The following GTF2IRD1 variants were observed in gnomAD, a reference collection of about 807,000 sequenced individuals.
GTF2IRD1 encodes the protein GTF2I repeat domain containing 1.
In GTF2IRD1, 26 loss-of-function variants were observed where a neutral mutation model predicts 113.2. The ratio of observed to expected loss-of-function variants is 0.23; its 90% CI spans 0.17 to 0.32. GTF2IRD1 has a LOEUF of 0.32. Ranked by LOEUF, GTF2IRD1 falls within the 10% of genes least tolerant of loss-of-function variation. The pLI, the probability that GTF2IRD1 is intolerant of heterozygous loss-of-function variation, is 1.00. For missense variants in GTF2IRD1, 864 were observed against 1,280.8 expected (o/e 0.67, Z 4.97); for synonymous variants, 484 against 529.1 (o/e 0.91, Z 1.17).
intron 11 of GTF2IRD1, among the ~76,000 whole-genome samples, chr7:74,536,634 T>C (rs2189857): frequency 0.35 from 51,865 of 149,878 alleles, 10,591 homozygotes; most frequent in African/African-American, 0.57. Flanking sequence ...ATGGTGAAAC[T>C]CCCATCTCTA....
intron 5 of GTF2IRD1, 76 bp downstream of exon 5, chr7:74,518,398 T>A: frequency 8.2e-7 from 1 of 1,225,698 alleles, no homozygotes; most frequent in African/African-American, 1.5e-5. Flanking sequence ...TGGAGGCCAC[T>A]TAGCCAGAGG....
chr7:74,558,403 A>T (rs1422483166), intron 20 of GTF2IRD1, among the ~76,000 whole-genome samples: 1 of 108,906 alleles, frequency 9.2e-6, no homozygotes, highest in Non-Finnish European at 1.7e-5. Context: ...TCTGTCACCC[A>T]TGCTGGAGTA....
chr7:74,528,853 G>GCA (rs1797775788), intron 8 of GTF2IRD1, among the ~76,000 whole-genome samples: 1 of 149,952 alleles, frequency 6.7e-6, no homozygotes, highest in Non-Finnish European at 1.5e-5. Context: ...ATGAAAGGAT[G>GCA]GATGGATGAA....
At chr7:74,513,252 C>T (rs1796737876) in intron 3 of GTF2IRD1, among the ~76,000 whole-genome samples, 1 of 152,228 alleles carries the variant, frequency 6.6e-6, no homozygotes, top group African/African-American at 2.4e-5. Context: ...TCAGTTCTTC[C>T]TCTTAACTAT....
At chr7:74,489,933 A>C (rs922626679) in intron 1 of GTF2IRD1, among the ~76,000 whole-genome samples, 1 of 152,102 alleles carries the variant, frequency 6.6e-6, no homozygotes. Context: ...CTTGGAGGAC[A>C]GCTTTTGGGG....
At chr7:74,568,734 T>G (rs28524605) in intron 22 of GTF2IRD1, among the ~76,000 whole-genome samples, 14,172 of 152,200 alleles carry the variant, frequency 0.093, 1,045 homozygotes, top group East Asian at 0.37. Context: ...CCTCTCTGCC[T>G]GCTCCTTCTC....
Position 74,601,192 on chromosome 7 carries a change from C to G in GTF2IRD1, c.2766+12C>G. ...AGATCTCACTCGTGGTAAAGTTGCA[C>G]CGATTTGGACTCCGGCACTCATCTC... On this transcript the variant is annotated intron_variant, in intron 26 of 26. Coordinates refer to ENST00000424337, the MANE Select transcript of GTF2IRD1 (RefSeq NM_005685.4). 1 of 1,567,682 alleles carries G rather than the reference C, an allele frequency of 6.4e-7. No individual in the cohort carries two copies. The highest frequency in any genetic ancestry group is 8.7e-7 in the Non-Finnish European group (1 of 1,155,110).
At chr7:74,460,887 C>T (rs1380435495) in intron 1 of GTF2IRD1, among the ~76,000 whole-genome samples, 3 of 152,196 alleles carry the variant, frequency 2.0e-5, no homozygotes, top group Non-Finnish European at 4.4e-5. Flanking sequence ...CCCCACAGCA[C>T]GGAGGCTGCT....
At chr7:74,525,645 A>G (rs587708939) in intron 8 of GTF2IRD1, among the ~76,000 whole-genome samples, 1 of 152,032 alleles carries the variant, frequency 6.6e-6, no homozygotes, top group South Asian at 2.1e-4. Flanking sequence ...AATCTTAGCT[A>G]CTTTGGGAGG....
chr7:74,477,051 T>TG (rs1794456174), intron 1 of GTF2IRD1, among the ~76,000 whole-genome samples: 1 of 152,052 alleles, frequency 6.6e-6, no homozygotes, highest in Admixed American at 6.6e-5. Context: ...CTCTGGAAGA[T>TG]GGGGCATCCA....
At chr7:74,535,573 G>C (rs373595230) in intron 10 of GTF2IRD1, among the ~76,000 whole-genome samples, 5 of 152,360 alleles carry the variant, frequency 3.3e-5, no homozygotes, top group South Asian at 2.1e-4. Flanking sequence ...TGTGACTCCA[G>C]AGCCCATGCA....
At chr7:74,519,915 C>T (rs1297418895) in intron 6 of GTF2IRD1, among the ~76,000 whole-genome samples, 196 bp downstream of exon 6, 2 of 151,872 alleles carry the variant, frequency 1.3e-5, no homozygotes, top group Non-Finnish European at 2.9e-5. Context: ...GCTCAGCCAT[C>T]TGTGAATGAT....
intron 1 of GTF2IRD1, among the ~76,000 whole-genome samples, chr7:74,485,405 C>T (rs1315835173): frequency 4.0e-5 from 6 of 150,354 alleles, no homozygotes; most frequent in Non-Finnish European, 8.9e-5. Flanking sequence ...ATCACGAGGT[C>T]AGGAGATCGA....
chr7:74,568,623 G>C (rs1326817063), intron 22 of GTF2IRD1, among the ~76,000 whole-genome samples: 1 of 152,134 alleles, frequency 6.6e-6, no homozygotes, highest in African/African-American at 2.4e-5. Flanking sequence ...ACTCCAGCCT[G>C]TGCGACAGAG....
chr7:74,486,685 C>G (rs543713043), intron 1 of GTF2IRD1, among the ~76,000 whole-genome samples: 3 of 151,986 alleles, frequency 2.0e-5, no homozygotes, highest in Non-Finnish European at 4.4e-5. Context: ...AATCCCAGCA[C>G]GTTCAGCTGG....
chr7:74,473,820 C>T (rs980490494), intron 1 of GTF2IRD1, among the ~76,000 whole-genome samples: 4 of 152,136 alleles, frequency 2.6e-5, no homozygotes, highest in Admixed American at 1.3e-4. Flanking sequence ...GCTCAGAAAA[C>T]GATATCTTCA....
chr7:74,515,536 C>T lies in GTF2IRD1; in HGVS notation c.361C>T (p.His121Tyr). 1.2e-6 allele frequency: 2 copies of T among 1,613,842 alleles called. No individual in the cohort carries two copies. The highest frequency in any genetic ancestry group is 1.7e-6 in the Non-Finnish European group (2 of 1,179,748). Residue 121 changes from histidine (H) to tyrosine (Y), a missense_variant, in exon 4 of 27, where the codon CAT (histidine) becomes TAT (tyrosine). His to Tyr is a moderately conservative substitution (Grantham distance 83). Around this residue, in one of 7 missense-constraint regions of GTF2IRD1, gnomAD observed 182 missense variants for 266.6 expected, o/e 0.68. Coordinates refer to ENST00000424337, the MANE Select transcript of GTF2IRD1 (RefSeq NM_005685.4). ...GRSLPRSSLE[H>Y]GSDVYLLRKM... Reference sequence around the variant, plus strand: ...TAGCCTCCCTCGGTCCTCCCTGGAACATGGCTCAGATGTGTACCTTCTGCG... The same window carrying T: ...TAGCCTCCCTCGGTCCTCCCTGGAATATGGCTCAGATGTGTACCTTCTGCG...
chr7:74,524,819 C>T (rs1554346876), intron 8 of GTF2IRD1, among the ~76,000 whole-genome samples: 2 of 152,142 alleles, frequency 1.3e-5, no homozygotes, highest in East Asian at 1.9e-4. Flanking sequence ...GAGTCGAGAT[C>T]GTGGCATTGC....
At chr7:74,492,327 C>T (rs544477947) in intron 1 of GTF2IRD1, among the ~76,000 whole-genome samples, 11 of 152,180 alleles carry the variant, frequency 7.2e-5, no homozygotes, top group African/African-American at 2.4e-4. Context: ...CCTGCCACCA[C>T]GCCTGGCTAA....
Sources: gnomAD v4.1 joint callset for allele counts (sites outside exome capture counted in the v4.1 genomes callset) on GRCh38, gnomAD v4.1.1 for gene constraint, gnomAD v4.1.1 regional missense constraint, MANE v1.5 for transcripts, NCBI Gene and HGNC (gene_info 2026-07-23, HGNC 2026-07-21) for gene names.